MED20: variants seen among roughly 807,000 people sequenced by gnomAD.
MED20 encodes mediator complex subunit 20.
A neutral mutation model predicts 19.7 loss-of-function variants in MED20; 19 were observed. The ratio of observed to expected loss-of-function variants is 0.96; its 90% CI spans 0.67 to 1.42. The LOEUF is 1.42. Among genes scored for constraint, MED20 ranks in the 40% most tolerant of loss-of-function variants. The pLI, the probability that MED20 is intolerant of heterozygous loss-of-function variation, is 0.00. For missense variants in MED20, 225 were observed against 273.0 expected, an observed-to-expected ratio of 0.82 and a Z score of 1.24; for synonymous variants, 105 against 104.8, an observed-to-expected ratio of 1.00 and a Z score of -0.01.
At chr6:41,920,821 G>A in intron 1 of MED20, 184 bp downstream of exon 1, 1 of 601,782 alleles carries the variant, frequency 1.7e-6, no homozygotes, top group Non-Finnish European at 2.7e-6. Context: ...CGCCTTCCAA[G>A]AGGAAGGGGC....
chr6:41,915,558 C>T (rs1229213123), intron 2 of MED20, among the ~76,000 whole-genome samples: 2 of 152,058 alleles, frequency 1.3e-5, no homozygotes, highest in Admixed American at 1.3e-4. Context: ...GAGGCCGAGG[C>T]GGGTGGATCA....
Position 41,910,490 on chromosome 6 carries a change from G to T in MED20, c.170-968C>A, listed in dbSNP as rs539880800. On this transcript the variant is annotated intron_variant, in intron 2 of 3. Transcript: ENST00000265350. The stretch of plus-strand genomic sequence containing the variant: ...CTACTAAAAATACAAAAATTATCTG[G>T]GTGTGGCGGTGCACGCCTGTAATCC... Among the ~76,000 whole-genome samples, 3 of 151,922 alleles carry T rather than the reference G, an allele frequency of 2.0e-5. No homozygotes were observed. The East Asian group carries it at 5.9e-4, about 30-fold the overall frequency.
chr6:41,910,582 A>C (rs1775166428), intron 2 of MED20, among the ~76,000 whole-genome samples: 1 of 151,138 alleles, frequency 6.6e-6, no homozygotes. Flanking sequence ...CAGTGAGTTG[A>C]GAGCGTGTCA....
Position 41,906,899 on chromosome 6 carries a change from G to C in MED20, c.*173C>G. The C allele has an allele frequency of 1.6e-6, 1 of 611,590 alleles. No individual in the cohort carries two copies. Among genetic ancestry groups the C allele is most frequent in the Non-Finnish European group, 2.9e-6 (1 of 347,958 alleles). 37.9% of individuals were successfully genotyped at this position (611,590 alleles called of 1,614,324 possible). On this transcript the variant is annotated 3_prime_UTR_variant, in exon 4 of 4. Transcript: ENST00000265350. ...GATGGGGGGCTATGTGTGAGAGTCA[G>C]GGGGTTGGGGAGGGGACTCAGCCCC...
At chr6:41,919,703 G>C (rs1470680569) in intron 1 of MED20, among the ~76,000 whole-genome samples, 1 of 152,126 alleles carries the variant, frequency 6.6e-6, no homozygotes, top group Non-Finnish European at 1.5e-5. Flanking sequence ...ACCAAAGCAG[G>C]AGGCTCGCTT....
Position 41,918,553 on chromosome 6 carries a change from C to T in MED20, c.15-1614G>A, listed in dbSNP as rs573658700. On this transcript the variant is annotated intron_variant, in intron 1 of 3. Coordinates refer to ENST00000265350, the MANE Select transcript of MED20 (RefSeq NM_004275.5). ...ACTTGGCCAGGCACGGTGGCTCACG[C>T]CTGTAATCCCAGCACTTTGGGAGGC... 2.6e-5 allele frequency among the ~76,000 whole-genome samples: 4 copies of T among 151,966 alleles called. No homozygotes were observed. The South Asian group carries it at 8.3e-4, about 32-fold the overall frequency.
At chr6:41,907,387 G>A (rs528082692) in intron 3 of MED20, 100 bp from the exon 4 acceptor site, 65 of 1,138,634 alleles carry the variant, frequency 5.7e-5, no homozygotes, top group African/African-American at 5.4e-4. Context: ...CCCCAACCCC[G>A]AGCTAAAGAC....
intron 1 of MED20, 68 bp from the exon 2 acceptor site, chr6:41,917,007 G>A (rs1204118789): frequency 1.2e-5 from 18 of 1,563,462 alleles, no homozygotes; most frequent in Admixed American, 3.4e-5. Context: ...CCATTCACTC[G>A]CCCACAGCAT....
intron 2 of MED20, among the ~76,000 whole-genome samples, chr6:41,915,009 GCAGT>G (rs1390488618): frequency 6.6e-6 from 1 of 152,218 alleles, no homozygotes; most frequent in Non-Finnish European, 1.5e-5. Context: ...GCCTACAGCA[GCAGT>G]CAATCAGTAA....
intron 1 of MED20, chr6:41,917,867 C>CT (rs1775355868): frequency 2.3e-6 from 1 of 437,496 alleles, no homozygotes; most frequent in African/African-American, 2.0e-5. Context: ...GTATTGGACA[C>CT]TGTTGTTAGA....
At chr6:41,918,510 GA>G (rs1031744505) in intron 1 of MED20, among the ~76,000 whole-genome samples, 58 of 116,362 alleles carry the variant, frequency 5.0e-4, no homozygotes, top group Admixed American at 6.8e-4. Context: ...ATCTCAAAAA[GA>G]AAAAAAAAAA....
Position 41,907,062 on chromosome 6 carries a change from C to A in MED20, c.*10G>T, listed in dbSNP as rs1000020550. 5 of 1,611,876 alleles carry A rather than the reference C, an allele frequency of 3.1e-6. No homozygotes were observed. In the African/African-American group the frequency reaches 5.3e-5, roughly 17 times the overall value. On this transcript the variant is annotated 3_prime_UTR_variant, in exon 4 of 4. Coordinates refer to ENST00000265350, the MANE Select transcript of MED20 (RefSeq NM_004275.5). ...CCTGGTGACAGAGCTCAGCTGGCAG[C>A]TGCTCATCACTAACGAATCCCAGCC... is the stretch of plus-strand genomic sequence containing the variant.
chr6:41,918,686 G>A (rs1775379424), intron 1 of MED20, among the ~76,000 whole-genome samples: 2 of 151,780 alleles, frequency 1.3e-5, no homozygotes, highest in Admixed American at 6.6e-5. Flanking sequence ...GGTGGCTCAC[G>A]CCTGTAATCC....
In MED20 at chr6:41,907,255, G is replaced by C. The variant is rs1472482457; in HGVS notation, c.456C>G (p.Asp152Glu). ...VEYGPCVVAS[D>E]CWSLLLEFLQ... ...GGAACTCGAGCAGCAGACTCCAGCA[G>C]TCACTAGCTACCACACAGGGGCCAT... The change falls in exon 4 of 4, where the codon GAC becomes GAG. Residue 152 changes from aspartate (D) to glutamate (E), a missense_variant. Asp to Glu is a conservative substitution (Grantham distance 45). Coordinates refer to ENST00000265350, the MANE Select transcript of MED20 (RefSeq NM_004275.5). The C allele has an allele frequency of 1.2e-6, 2 of 1,613,776 alleles. No homozygotes were observed.
chr6:41,907,416 T>A, intron 3 of MED20, 129 bp from the exon 4 acceptor site: 1 of 801,426 alleles, frequency 1.2e-6, no homozygotes. Flanking sequence ...CCTAGCACAG[T>A]ATTGGTCCAC....
chr6:41,919,942 T>C (rs996404884), intron 1 of MED20, among the ~76,000 whole-genome samples: 2 of 152,156 alleles, frequency 1.3e-5, no homozygotes, highest in East Asian at 3.8e-4. Context: ...GGAGGAAAAG[T>C]ATTTCCCCTA....
At position 41,909,632 on chromosome 6, in the gene MED20, T is replaced by C. The variant is rs368222142; in HGVS notation, c.170-110A>G. The C allele has an allele frequency of 1.0e-5, 15 of 1,481,782 alleles. No individual in the cohort carries two copies. In the African/African-American group the frequency reaches 1.7e-4, roughly 16 times the overall value. The allele number at this position is 1,481,782 out of a possible 1,614,324, so 91.8% of individuals were successfully genotyped here. ...GGCCAGACAGCAATCTGGCACTACC[T>C]CAGCAGTTCTTGGTTGGGGGTGAGG... On this transcript the variant is annotated intron_variant, in intron 2 of 3. Transcript: ENST00000265350.
chr6:41,913,397 G>A (rs564989362), intron 2 of MED20, among the ~76,000 whole-genome samples: 1 of 152,188 alleles, frequency 6.6e-6, no homozygotes, highest in South Asian at 2.1e-4. Flanking sequence ...TGAAAGTGAG[G>A]GCCTGCTCAG....
At chr6:41,918,928 T>C (rs1190036010) in intron 1 of MED20, among the ~76,000 whole-genome samples, 1 of 110,204 alleles carries the variant, frequency 9.1e-6, no homozygotes, top group African/African-American at 3.7e-5. Flanking sequence ...CAGTCCGGCC[T>C]GGGCGACAGA....
Sources: gnomAD v4.1 joint callset for allele counts (sites outside exome capture counted in the v4.1 genomes callset) on GRCh38, gnomAD v4.1.1 for gene constraint, MANE v1.5 for transcripts, NCBI Gene and HGNC (gene_info 2026-07-23, HGNC 2026-07-21) for gene names.